The following SND1 variants were observed in gnomAD, a reference collection of about 807,000 sequenced individuals.
SND1 encodes staphylococcal nuclease domain-containing protein 1.
Under a neutral mutation model 121.7 loss-of-function variants are expected in SND1, and 38 were observed. The ratio of observed to expected loss-of-function variants is 0.31; its 90% confidence interval spans 0.24 to 0.41. The LOEUF is 0.41. Ranked by LOEUF, SND1 falls within the 10% of genes least tolerant of loss-of-function variation. SND1 has a pLI of 1.00. For missense variants in SND1, 868 were observed against 1,184.6 expected (o/e 0.73, Z 3.92); for synonymous variants, 401 against 447.4 (o/e 0.90, Z 1.31).
At chr7:127,876,889 T>A (rs1389544196) in intron 12 of SND1, among the ~76,000 whole-genome samples, 2 of 152,162 alleles carry the variant, frequency 1.3e-5, no homozygotes, top group Admixed American at 6.6e-5. Context: ...AGTTTCTTTC[T>A]ATTGAACAGG....
Position 127,990,878 on chromosome 7 carries a change from C to G in SND1, c.1670-69C>G, listed in dbSNP as rs1292965384. The G allele has an allele frequency of 3.8e-6, 4 of 1,054,038 alleles. No homozygotes were observed. The African/African-American group carries it at 6.3e-5, about 17-fold the overall frequency. The allele number at this position is 1,054,038 out of a possible 1,614,324, so 65.3% of individuals were successfully genotyped here. ...CTGCTTCACTGGAGGTGTCAGGGGA[C>G]CGTCCTTATTGGACAGCAAGCCTAG... On this transcript the variant is annotated intron_variant, in intron 15 of 23. Transcript: ENST00000354725.
intron 10 of SND1, among the ~76,000 whole-genome samples, chr7:127,734,749 G>T (rs935237621): frequency 2.0e-5 from 3 of 152,172 alleles, no homozygotes; most frequent in African/African-American, 7.2e-5. Context: ...TCTTGTCCTT[G>T]TTCTGAGGCC....
At chr7:127,658,145 C>G (rs1004700469) in intron 1 of SND1, among the ~76,000 whole-genome samples, 1 of 152,068 alleles carries the variant, frequency 6.6e-6, no homozygotes, top group African/African-American at 2.4e-5. Flanking sequence ...AACCCTATCT[C>G]TACTAAAAAT....
intron 15 of SND1, among the ~76,000 whole-genome samples, chr7:127,977,216 T>C (rs1261386035): frequency 6.6e-6 from 1 of 152,190 alleles, no homozygotes; most frequent in Non-Finnish European, 1.5e-5. Flanking sequence ...TAGAAAGATA[T>C]TTTCAGTTTG....
intron 15 of SND1, among the ~76,000 whole-genome samples, chr7:127,982,657 G>A (rs544885368): frequency 2.0e-5 from 3 of 152,154 alleles, no homozygotes; most frequent in Non-Finnish European, 2.9e-5. Flanking sequence ...CATGAAGAAC[G>A]AACTCTTGGG....
At chr7:127,669,053 C>G (rs1244723407) in intron 1 of SND1, among the ~76,000 whole-genome samples, 1 of 152,076 alleles carries the variant, frequency 6.6e-6, no homozygotes, top group African/African-American at 2.4e-5. Context: ...AGTGCAGTGG[C>G]TTAATCCTGG....
intron 10 of SND1, among the ~76,000 whole-genome samples, chr7:127,744,813 T>A (rs972797121): frequency 2.0e-5 from 3 of 152,172 alleles, no homozygotes; most frequent in Admixed American, 1.3e-4. Context: ...ATACAACAAA[T>A]ACTCCTGTTT....
At chr7:127,845,727 C>A (rs1799048181) in intron 12 of SND1, among the ~76,000 whole-genome samples, 1 of 152,192 alleles carries the variant, frequency 6.6e-6, no homozygotes, top group South Asian at 2.1e-4. Context: ...AACAACTTCA[C>A]TGTTGTACAA....
At chr7:127,921,171 G>A (rs1800698632) in intron 14 of SND1, among the ~76,000 whole-genome samples, 1 of 152,136 alleles carries the variant, frequency 6.6e-6, no homozygotes, top group South Asian at 2.1e-4. Context: ...GTACTTAGTA[G>A]AACTTTTTTC....
intron 10 of SND1, among the ~76,000 whole-genome samples, chr7:127,735,073 G>C (rs904735740): frequency 6.6e-6 from 1 of 152,162 alleles, no homozygotes; most frequent in Non-Finnish European, 1.5e-5. Context: ...CAGGTAGAGC[G>C]TGAGGTGCTG....
chr7:128,079,809 A>G (rs1304654418), intron 17 of SND1, among the ~76,000 whole-genome samples: 1 of 152,242 alleles, frequency 6.6e-6, no homozygotes, highest in Admixed American at 6.5e-5. Context: ...CCAATGTCAA[A>G]TGGCAAGTTC....
chr7:128,074,952 A>G (rs572283444), intron 17 of SND1, among the ~76,000 whole-genome samples: 7 of 152,312 alleles, frequency 4.6e-5, no homozygotes, highest in Admixed American at 2.0e-4. Flanking sequence ...AGGCCTGCTC[A>G]GGTGGTCCTG....
chr7:127,794,767 G>A (rs1464303816), intron 10 of SND1, among the ~76,000 whole-genome samples: 2 of 152,148 alleles, frequency 1.3e-5, no homozygotes, highest in African/African-American at 4.8e-5. Context: ...GAGGGCATTG[G>A]CTCTCCATTT....
intron 10 of SND1, among the ~76,000 whole-genome samples, chr7:127,753,293 C>G (rs1389595826): frequency 6.6e-6 from 1 of 151,976 alleles, no homozygotes; most frequent in Non-Finnish European, 1.5e-5. Flanking sequence ...GAAATTTTTA[C>G]CAATAGCAAC....
At chr7:127,697,688 TCTC>T (rs777635807) in intron 3 of SND1, among the ~76,000 whole-genome samples, 38 of 152,142 alleles carry the variant, frequency 2.5e-4, no homozygotes, top group Non-Finnish European at 5.1e-4. Context: ...TGTATAAACT[TCTC>T]AGTTCAACTT....
At chr7:127,685,164 A>G (rs1182563215) in intron 1 of SND1, among the ~76,000 whole-genome samples, 1 of 152,298 alleles carries the variant, frequency 6.6e-6, no homozygotes, top group South Asian at 2.1e-4. Flanking sequence ...TAATTTGTAC[A>G]TGTGGGTTTA....
chr7:127,980,080 G>A (rs1330491925), intron 15 of SND1, among the ~76,000 whole-genome samples: 2 of 150,280 alleles, frequency 1.3e-5, no homozygotes, highest in East Asian at 4.0e-4. Context: ...CTTTTTGCTT[G>A]CTTTATTTTA....
intron 10 of SND1, among the ~76,000 whole-genome samples, chr7:127,779,314 A>G (rs1372042): frequency 0.99 from 151,488 of 152,286 alleles, 75,351 homozygotes; most frequent in East Asian, 1. Context: ...TCCTAAATAC[A>G]TGTTTCCTTG....
intron 10 of SND1, among the ~76,000 whole-genome samples, chr7:127,724,550 A>G (rs1354009019): frequency 2.0e-5 from 3 of 152,226 alleles, no homozygotes; most frequent in Non-Finnish European, 4.4e-5. Context: ...GTGATTTTGT[A>G]TGACTGGAAT....
Sources: allele counts gnomAD v4.1 joint callset (sites outside exome capture counted in the v4.1 genomes callset), GRCh38; gene constraint gnomAD v4.1.1; transcripts MANE v1.5; gene names NCBI Gene and HGNC (gene_info 2026-07-23, HGNC 2026-07-21).